RAI1: variants seen among roughly 807,000 people sequenced by gnomAD.
The protein encoded by RAI1 is retinoic acid-induced protein 1.
Under a neutral mutation model 123.8 loss-of-function variants are expected in RAI1, and 9 were observed. The ratio of observed to expected loss-of-function variants is 0.07; its 90% confidence interval spans 0.04 to 0.13. The LOEUF (loss-of-function observed/expected upper bound fraction) is 0.13, where lower values mean the gene tolerates loss of function less well. RAI1 is among the 10% of genes least tolerant of loss of function. The probability of loss-of-function intolerance (pLI) is 1.00; values close to 1 mark genes in which losing one functional copy is unlikely to be tolerated. For synonymous variants in RAI1, 1,231 were observed against 1,127.3 expected (o/e 1.09, Z -1.84); for missense variants, 2,256 against 2,545.8 (o/e 0.89, Z 2.45).
At chr17:17,792,758 AGGG>A (rs999054288) in intron 2 of RAI1, among the ~76,000 whole-genome samples, 172 bp from the exon 3 acceptor site, 1 of 76,476 alleles carries the variant, frequency 1.3e-5, no homozygotes, top group South Asian at 4.8e-4. Context: ...GCTCAGGCGA[AGGG>A]GGGACTATTA....
rs116154971 is a variant in RAI1, at chr17:17,772,467, T to C, written c.-16-20466T>C. Among the ~76,000 whole-genome samples, 659 of 152,326 alleles carry C rather than the reference T, an allele frequency of 4.3e-3. 6 individuals carry two copies. The highest frequency in any genetic ancestry group is 0.015 in the African/African-American group (620 of 41,578). On this transcript the variant is annotated intron_variant, in intron 2 of 5. Transcript: ENST00000353383. ...ACACATGTGTGATGCTCACTGTTGC[T>C]CACTCTCTGGGGCTCCCCGTGGCCC...
Position 17,758,426 on chromosome 17 carries a change from C to T in RAI1, c.-17+34267C>T, listed in dbSNP as rs1244891060. Among the ~76,000 whole-genome samples, 13 of 152,348 alleles carry T rather than the reference C, an allele frequency of 8.5e-5. No individual in the cohort carries two copies. In the South Asian group the frequency reaches 2.5e-3, roughly 29 times the overall value. On this transcript the variant is annotated intron_variant, in intron 2 of 5. Coordinates refer to ENST00000353383, the MANE Select transcript of RAI1 (RefSeq NM_030665.4). ...CCTGAAGCTCCCAGGCCTTCAGAGG[C>T]AGCACCTATGGACAGGGACGGGCTC...
chr17:17,802,079 C>T (rs1189645560), intron 3 of RAI1: 2 of 470,860 alleles, frequency 4.2e-6, no homozygotes, highest in Non-Finnish European at 8.8e-6. Context: ...TGACTTCTCC[C>T]TCCCCGGCCT....
chr17:17,753,303 T>C (rs1226035612), intron 2 of RAI1, among the ~76,000 whole-genome samples: 1 of 152,202 alleles, frequency 6.6e-6, no homozygotes, highest in Non-Finnish European at 1.5e-5. Context: ...CATCTGACTC[T>C]TCGTTTGTGT....
At chr17:17,688,119 G>A (rs1290933807) in intron 1 of RAI1, among the ~76,000 whole-genome samples, 1 of 151,644 alleles carries the variant, frequency 6.6e-6, no homozygotes, top group Non-Finnish European at 1.5e-5. Flanking sequence ...CAGGCTTTGG[G>A]GTCACACCAG....
intron 2 of RAI1, among the ~76,000 whole-genome samples, chr17:17,786,784 A>G (rs935944534): frequency 2.0e-5 from 3 of 152,234 alleles, no homozygotes; most frequent in Admixed American, 2.0e-4. Flanking sequence ...GCCTTCCCTT[A>G]GCAGCCAGGC....
Position 17,797,546 on chromosome 17 carries a change from G to A in RAI1, c.4598G>A (p.Ser1533Asn), listed in dbSNP as rs2032308262. The A allele has an allele frequency of 6.2e-7, 1 of 1,614,000 alleles. No individual in the cohort carries two copies. The highest frequency in any genetic ancestry group is 1.1e-5 in the South Asian group (1 of 91,078). The part of the protein sequence containing the change: ...QKQPGHTNYS[S>N]YSKRKRLTRG... The stretch of plus-strand genomic sequence containing the variant: ...CAGCCAGGCCACACCAACTACAGCA[G>A]CTATTCCAAGCGGAAGCGCCTCACT... The change falls in exon 3 of 6, where the codon AGC (serine) becomes AAC (asparagine). Residue 1533 changes from serine (S) to asparagine (N), a missense_variant. By Grantham distance (46) the Ser-to-Asn change is conservative (BLOSUM62 1). Transcript: ENST00000353383.
chr17:17,708,334 T>C (rs1161433153), intron 1 of RAI1, among the ~76,000 whole-genome samples: 1 of 152,164 alleles, frequency 6.6e-6, no homozygotes, highest in Non-Finnish European at 1.5e-5. Context: ...CAACAATACT[T>C]GTGCTAATCA....
intron 1 of RAI1, among the ~76,000 whole-genome samples, chr17:17,711,977 G>T (rs148049342): frequency 7.9e-5 from 12 of 152,362 alleles, no homozygotes; most frequent in Non-Finnish European, 1.5e-4. Flanking sequence ...GTTTTCAAGA[G>T]AAGCTGGAAT....
intron 2 of RAI1, among the ~76,000 whole-genome samples, chr17:17,756,924 C>T (rs774213210): frequency 7.2e-5 from 11 of 152,172 alleles, no homozygotes; most frequent in Non-Finnish European, 1.3e-4. Flanking sequence ...TGACTGTTGC[C>T]ATTGTTATTA....
rs781252626 is a variant in RAI1, at chr17:17,797,261, G to C, written c.4313G>C (p.Gly1438Ala). ...ACATCCCCGGAGGCCCTGCAGCCTG[G>C]GGGGACTGCCCTGGCGCCTAAGAAG... ...AFTSPEALQP[G>A]GTALAPKKRS... Residue 1438 changes from glycine (G) to alanine (A), a missense_variant, in exon 3 of 6, where the codon GGG becomes GCG. By Grantham distance (60) the Gly-to-Ala change is moderately conservative. This residue lies in a region of RAI1 where 410 missense variants were observed against 374.6 expected (regional missense o/e 1.09). Transcript: ENST00000353383. The C allele has an allele frequency of 1.6e-5, 26 of 1,613,066 alleles. No homozygotes were observed. In the Admixed American group the frequency reaches 1.7e-4, roughly 10 times the overall value.
At chr17:17,735,935 G>A (rs751845819) in intron 2 of RAI1, among the ~76,000 whole-genome samples, 4 of 152,182 alleles carry the variant, frequency 2.6e-5, no homozygotes, top group Admixed American at 6.5e-5. Flanking sequence ...CAAAAGGCCT[G>A]AGGAATATAG....
chr17:17,764,368 A>G (rs1190194514), intron 2 of RAI1, among the ~76,000 whole-genome samples: 1 of 152,148 alleles, frequency 6.6e-6, no homozygotes, highest in African/African-American at 2.4e-5. Context: ...ACCAGCCCCC[A>G]GATGTCCCTT....
At chr17:17,722,302 G>A (rs1171760690) in intron 1 of RAI1, among the ~76,000 whole-genome samples, 1 of 152,210 alleles carries the variant, frequency 6.6e-6, no homozygotes, top group African/African-American at 2.4e-5. Context: ...CGTGGGCGGT[G>A]AGCGGCCGGG....
In RAI1 at chr17:17,809,296, G is replaced by A. The variant is rs1567941176; in HGVS notation, c.5660-94G>A. Reference sequence around the variant, plus strand: ...GAGCCCCTGCAGTCTGGAGCCTCGCGGGCAGTGCGGCTCCCCTCCTGGCTG... The same window carrying A: ...GAGCCCCTGCAGTCTGGAGCCTCGCAGGCAGTGCGGCTCCCCTCCTGGCTG... On this transcript the variant is annotated intron_variant, in intron 4 of 5. Coordinates refer to ENST00000353383, the MANE Select transcript of RAI1 (RefSeq NM_030665.4). This position sits in a 1 kb window ranked among gnomAD's most constrained non-coding sequence, Gnocchi z 4.9. 4.7e-6 allele frequency: 5 copies of A among 1,062,168 alleles called. No homozygotes were observed. The South Asian group carries it at 5.0e-5, about 11-fold the overall frequency. 65.8% of individuals were successfully genotyped at this position (1,062,168 alleles called of 1,614,324 possible). A position where few individuals can be genotyped will look rare whatever the true frequency, so the allele number is the denominator to read the frequency against.
rs1397934569 is a variant in RAI1, at chr17:17,799,107, C to T, written c.5565+594C>T. ...CAGATCCAGACCCTCTCACCATTGG[C>T]TCTGAGACCAGCTTTGGAAGCCATA... is the stretch of plus-strand genomic sequence containing the variant. On this transcript the variant is annotated intron_variant, in intron 3 of 5. Coordinates refer to ENST00000353383, the MANE Select transcript of RAI1 (RefSeq NM_030665.4). This position sits in a 1 kb window ranked among gnomAD's most constrained non-coding sequence, Gnocchi z 4.5. 1.3e-5 allele frequency among the ~76,000 whole-genome samples: 2 copies of T among 152,192 alleles called. No individual in the cohort carries two copies. Among genetic ancestry groups the T allele is most frequent in the Admixed American group, 6.5e-5 (1 of 15,292 alleles).
In RAI1 at chr17:17,803,843, G is replaced by A. The variant is rs147844401; in HGVS notation, c.5653G>A (p.Asp1885Asn). 1.6e-4 allele frequency: 254 copies of A among 1,613,162 alleles called. No homozygotes were observed. Among genetic ancestry groups the A allele is most frequent in the Admixed American group, 2.0e-4 (12 of 60,000 alleles). Residue 1885 changes from aspartate (D) to asparagine (N), a missense_variant, in exon 4 of 6, where the codon GAT (aspartate) becomes AAT (asparagine). Physicochemically the swap from Asp to Asn is conservative, Grantham distance 23. This residue lies in a region of RAI1 where 243 missense variants were observed against 316.6 expected (regional missense o/e 0.77). Coordinates refer to ENST00000353383, the MANE Select transcript of RAI1 (RefSeq NM_030665.4). The stretch of plus-strand genomic sequence containing the variant: ...CACCTACCACTACCCGTGTGCCAGC[G>A]ATGCAGGTACGAGCCCGCCCAGGAA... ...LHTYHYPCAS[D>N]AGCIFIEENF...
At chr17:17,747,462 A>C (rs1483221734) in intron 2 of RAI1, among the ~76,000 whole-genome samples, 1 of 152,220 alleles carries the variant, frequency 6.6e-6, no homozygotes, top group Non-Finnish European at 1.5e-5. Context: ...GGCTGAGGTC[A>C]GGACCACTGG....
At chr17:17,734,471 A>G (rs1426496635) in intron 2 of RAI1, among the ~76,000 whole-genome samples, 2 of 152,276 alleles carry the variant, frequency 1.3e-5, no homozygotes, top group East Asian at 1.9e-4. Flanking sequence ...GGGGGATGTT[A>G]AGGAGGTTCC....
Sources: allele counts gnomAD v4.1 joint callset (sites outside exome capture counted in the v4.1 genomes callset), GRCh38; gene constraint gnomAD v4.1.1; regional missense constraint gnomAD v4.1.1; non-coding constraint Gnocchi (gnomAD v3.1); transcripts MANE v1.5; gene names NCBI Gene and HGNC (gene_info 2026-07-23, HGNC 2026-07-21).